CADPS: variants seen among roughly 807,000 people sequenced by gnomAD.
CADPS encodes calcium dependent secretion activator.
In CADPS, 57 loss-of-function variants were observed where a neutral mutation model predicts 167.3. The ratio of observed to expected loss-of-function variants is 0.34; its 90% CI spans 0.28 to 0.42. CADPS has a LOEUF of 0.42. Ranked by LOEUF, CADPS falls within the 20% of genes least tolerant of loss-of-function variation. The probability of loss-of-function intolerance (pLI) is 1.00; values close to 1 mark genes in which losing one functional copy is unlikely to be tolerated. For synonymous variants in CADPS, 676 were observed against 635.3 expected, an observed-to-expected ratio of 1.06 and a Z score of -0.96; for missense variants, 1,414 against 1,738.1, an observed-to-expected ratio of 0.81 and a Z score of 3.32.
intron 3 of CADPS, among the ~76,000 whole-genome samples, chr3:62,679,352 C>G (rs548845812): frequency 4.6e-5 from 7 of 152,158 alleles, no homozygotes; most frequent in Admixed American, 3.9e-4. Context: ...GGAGCTTCAT[C>G]CTAGAGGTGG....
chr3:62,546,391 C>T (rs2076454163), intron 11 of CADPS, among the ~76,000 whole-genome samples: 1 of 152,068 alleles, frequency 6.6e-6, no homozygotes, highest in Admixed American at 6.6e-5. Context: ...GAGAGACGTC[C>T]TGGGCAAACT....
intron 2 of CADPS, among the ~76,000 whole-genome samples, chr3:62,756,019 A>C (rs1419029505): frequency 6.7e-6 from 1 of 149,526 alleles, no homozygotes; most frequent in Non-Finnish European, 1.5e-5. Flanking sequence ...TGAGTAAATC[A>C]TCTCCCCTCT....
At chr3:62,413,481 A>G (rs2049374212) in intron 28 of CADPS, among the ~76,000 whole-genome samples, 1 of 152,208 alleles carries the variant, frequency 6.6e-6, no homozygotes, top group African/African-American at 2.4e-5. Context: ...TACAATATAG[A>G]TAACCCTTGA....
chr3:62,490,174 G>A (rs1350415098), intron 21 of CADPS, among the ~76,000 whole-genome samples: 1 of 152,152 alleles, frequency 6.6e-6, no homozygotes, highest in African/African-American at 2.4e-5. Context: ...CTTCCAAACT[G>A]AGGAAAGGCC....
intron 28 of CADPS, among the ~76,000 whole-genome samples, chr3:62,409,511 T>C (rs2048543360): frequency 6.6e-6 from 1 of 152,234 alleles, no homozygotes. Context: ...CCTTAAGAAC[T>C]GATGGATGAG....
chr3:62,467,151 A>G (rs2060038388), intron 24 of CADPS: 1 of 289,626 alleles, frequency 3.5e-6, no homozygotes. Context: ...CCAGGGAAAA[A>G]GGAAAAGTGA....
intron 29 of CADPS, among the ~76,000 whole-genome samples, chr3:62,402,684 G>A (rs1298072616): frequency 6.6e-6 from 1 of 152,066 alleles, no homozygotes; most frequent in African/African-American, 2.4e-5. Flanking sequence ...AATAGCTGGG[G>A]GTAAATATTT....
chr3:62,594,282 C>T (rs1220654021), intron 6 of CADPS, among the ~76,000 whole-genome samples: 1 of 150,214 alleles, frequency 6.7e-6, no homozygotes, highest in Non-Finnish European at 1.5e-5. Flanking sequence ...CTGCCTCAGC[C>T]TCCCAAGTAG....
intron 28 of CADPS, among the ~76,000 whole-genome samples, chr3:62,411,786 C>A (rs552625637): frequency 6.6e-6 from 1 of 152,336 alleles, no homozygotes; most frequent in Admixed American, 6.5e-5. Context: ...TAAAGGACGG[C>A]ACGCAGTTCA....
chr3:62,417,341 G>A (rs1233208342), intron 28 of CADPS, among the ~76,000 whole-genome samples: 1 of 127,288 alleles, frequency 7.9e-6, no homozygotes, highest in African/African-American at 3.0e-5. Context: ...GTGGAGTGCA[G>A]TGGTGCAATC....
chr3:62,731,039 C>T (rs1245951692), intron 3 of CADPS, among the ~76,000 whole-genome samples: 2 of 152,164 alleles, frequency 1.3e-5, no homozygotes, highest in Admixed American at 1.3e-4. Context: ...CATGCTCATT[C>T]CCTCATCTTT....
chr3:62,476,674 C>T lies in CADPS; in HGVS notation c.3329+1587G>A, dbSNP rs535896298. 3.9e-5 allele frequency among the ~76,000 whole-genome samples: 6 copies of T among 152,284 alleles called. 1 individual carries two copies. The South Asian group carries it at 6.2e-4, about 16-fold the overall frequency. ...CTATCCACCTGTGACATCCTCATAT[C>T]TGTCCATTTTCTCTGAGCATCTTCC... On this transcript the variant is annotated intron_variant, in intron 23 of 29. Transcript: ENST00000383710.
chr3:62,502,495 A>G (rs1412022266), intron 17 of CADPS, among the ~76,000 whole-genome samples: 1 of 152,242 alleles, frequency 6.6e-6, no homozygotes, highest in Admixed American at 6.5e-5. Context: ...CGCAACAACA[A>G]TGTTATTTTG....
intron 28 of CADPS, among the ~76,000 whole-genome samples, chr3:62,414,465 C>A (rs544579603): frequency 6.6e-6 from 1 of 152,324 alleles, no homozygotes; most frequent in African/African-American, 2.4e-5. Flanking sequence ...AAAAATAACT[C>A]CTACGTGGAA....
chr3:62,410,406 G>C (rs902743092), intron 28 of CADPS, among the ~76,000 whole-genome samples: 4 of 152,190 alleles, frequency 2.6e-5, no homozygotes, highest in African/African-American at 9.6e-5. Context: ...ACAGTGCTGT[G>C]GCTGAATCTT....
intron 6 of CADPS, among the ~76,000 whole-genome samples, chr3:62,645,461 A>C (rs1382366204): frequency 2.6e-5 from 4 of 152,200 alleles, no homozygotes; most frequent in East Asian, 1.9e-4. Context: ...GTTGTGACTA[A>C]TCTCTCGAGG....
chr3:62,804,167 G>T (rs1336050600), intron 1 of CADPS, among the ~76,000 whole-genome samples: 1 of 152,086 alleles, frequency 6.6e-6, no homozygotes, highest in Non-Finnish European at 1.5e-5. Flanking sequence ...GCTACATGTG[G>T]ACAGGGACCA....
intron 29 of CADPS, among the ~76,000 whole-genome samples, chr3:62,401,065 T>G (rs1400756543): frequency 2.0e-5 from 3 of 152,172 alleles, no homozygotes; most frequent in Admixed American, 1.3e-4. Context: ...TGACATTAAA[T>G]TATAAGGTTA....
At chr3:62,600,992 C>A (rs146215432) in intron 6 of CADPS, among the ~76,000 whole-genome samples, 1 of 151,980 alleles carries the variant, frequency 6.6e-6, no homozygotes. Context: ...GAGTCCTTGA[C>A]GGAAGGATAT....
Sources: gnomAD v4.1 joint callset for allele counts (sites outside exome capture counted in the v4.1 genomes callset) on GRCh38, gnomAD v4.1.1 for gene constraint, MANE v1.5 for transcripts, NCBI Gene and HGNC (gene_info 2026-07-23, HGNC 2026-07-21) for gene names.